Variants in SYNJ1 observed in about 807,000 individuals in gnomAD.
The protein encoded by SYNJ1 is polyphosphatidylinositol phosphatase SYNJ1.
SYNJ1 carries 78 observed loss-of-function variants against 168.2 expected under a neutral mutation model. The ratio of observed to expected loss-of-function variants is 0.46; its 90% confidence interval spans 0.39 to 0.56. The LOEUF is 0.56. SYNJ1 is among the 20% of genes least tolerant of loss of function. SYNJ1 has a pLI of 0.00. For missense variants in SYNJ1, 1,303 were observed against 1,597.6 expected (o/e 0.82, Z 3.14); for synonymous variants, 539 against 548.6 (o/e 0.98, Z 0.24).
intron 18 of SYNJ1, among the ~76,000 whole-genome samples, chr21:32,663,490 G>A (rs1295924040): frequency 6.6e-6 from 1 of 152,180 alleles, no homozygotes; most frequent in Non-Finnish European, 1.5e-5. Flanking sequence ...TGGGCATAGA[G>A]CTTGTGCCAA....
intron 2 of SYNJ1, among the ~76,000 whole-genome samples, chr21:32,706,454 A>G (rs2042612267): frequency 6.6e-6 from 1 of 151,650 alleles, no homozygotes; most frequent in South Asian, 2.1e-4. Context: ...CATGTCAGCA[A>G]CCTATTCTTA....
chr21:32,694,079 A>T (rs1028178490), intron 6 of SYNJ1, 149 bp downstream of exon 6: 2 of 459,828 alleles, frequency 4.3e-6, no homozygotes, highest in Non-Finnish European at 7.5e-6. Context: ...GAAACTCTGT[A>T]CTCGTCTAGA....
intron 31 of SYNJ1, among the ~76,000 whole-genome samples, chr21:32,636,066 T>G (rs1257656227): frequency 6.6e-6 from 1 of 152,082 alleles, no homozygotes; most frequent in Non-Finnish European, 1.5e-5. Flanking sequence ...ACACTCAGAG[T>G]TTTATGTATC....
intron 13 of SYNJ1, among the ~76,000 whole-genome samples, chr21:32,675,171 G>A (rs753959032): frequency 2.6e-4 from 39 of 152,114 alleles, no homozygotes; most frequent in Non-Finnish European, 1.0e-4. Flanking sequence ...CGAACATAGT[G>A]TCTATAATCC....
chr21:32,717,308 C>G (rs1484055027), intron 2 of SYNJ1, among the ~76,000 whole-genome samples: 1 of 152,104 alleles, frequency 6.6e-6, no homozygotes, highest in Non-Finnish European at 1.5e-5. Flanking sequence ...TTTTCCTCTA[C>G]TTGTTGAACA....
At chr21:32,689,968 A>C (rs2041963059) in intron 6 of SYNJ1, among the ~76,000 whole-genome samples, 1 of 152,234 alleles carries the variant, frequency 6.6e-6, no homozygotes, top group African/African-American at 2.4e-5. Flanking sequence ...TTTTCTTTGG[A>C]GTAATCCCAG....
intron 15 of SYNJ1, 65 bp from the exon 16 acceptor site, chr21:32,666,638 A>G (rs1409738965): frequency 2.0e-6 from 3 of 1,498,068 alleles, no homozygotes; most frequent in African/African-American, 2.8e-5. Flanking sequence ...TTTTATGACA[A>G]TTGTCAATTA....
In SYNJ1 at chr21:32,645,667, G is replaced by A; in HGVS notation, c.3370C>T (p.Gln1124Ter). ...VAPPTRPAPP[Q>*]RPPPPSGARS... ...TCACCTGAAGGCGGAGGAGGTCTCTGTGGGGGAGCCGGGCGTGTGGGAGGG... is the reference window on the plus strand; with the variant it reads ...TCACCTGAAGGCGGAGGAGGTCTCTATGGGGGAGCCGGGCGTGTGGGAGGG... The change falls in exon 25 of 33, where the codon CAG becomes TAG. Residue 1124 changes from glutamine to a stop codon, truncating the protein, a stop_gained. Coordinates refer to ENST00000674351, the MANE Select transcript of SYNJ1 (RefSeq NM_203446.3). LOFTEE classifies it high-confidence loss of function. 1 of 1,528,344 alleles carries A rather than the reference G, an allele frequency of 6.5e-7. No individual in the cohort carries two copies. Among genetic ancestry groups the A allele is most frequent in the African/African-American group, 1.4e-5 (1 of 71,780 alleles). The allele number at this position is 1,528,344 out of a possible 1,614,324, so 94.7% of individuals were successfully genotyped here.
chr21:32,638,958 G>A lies in SYNJ1; in HGVS notation c.3865C>T (p.Arg1289Ter), dbSNP rs747261340. ...GGCAAGCTATGGGATGACCTGCTTCGAGGTGGTGGTTGTGGTGGGGTTTCC... is the reference window on the plus strand; with the variant it reads ...GGCAAGCTATGGGATGACCTGCTTCAAGGTGGTGGTTGTGGTGGGGTTTCC... ...NLETPPQPPP[R>*]SRSSHSLPSE... The change falls in exon 31 of 33, where the codon CGA becomes TGA. Residue 1289 changes from arginine to a stop codon, truncating the protein, a stop_gained. Coordinates refer to ENST00000674351, the MANE Select transcript of SYNJ1 (RefSeq NM_203446.3). LOFTEE classifies it high-confidence loss of function. 11 of 1,613,954 alleles carry A rather than the reference G, an allele frequency of 6.8e-6. No homozygotes were observed. The African/African-American group carries it at 9.3e-5, about 14-fold the overall frequency.
rs1170460373 is a variant in SYNJ1, at chr21:32,706,928, T to C, written c.125-4881A>G. On this transcript the variant is annotated intron_variant, in intron 2 of 32. Transcript: ENST00000674351. ...ACATTACATAAAATAATATGTATAA[T>C]CTTTAGATAAAATACAGCACTTGGA... 3.9e-5 allele frequency among the ~76,000 whole-genome samples: 6 copies of C among 152,202 alleles called. No homozygotes were observed. In the East Asian group the frequency reaches 1.2e-3, roughly 29 times the overall value.
chr21:32,691,543 T>C (rs930235684), intron 6 of SYNJ1, among the ~76,000 whole-genome samples: 3 of 152,228 alleles, frequency 2.0e-5, no homozygotes, highest in African/African-American at 7.2e-5. Context: ...TAATATATGA[T>C]CTGAGTATTA....
intron 2 of SYNJ1, among the ~76,000 whole-genome samples, chr21:32,716,333 T>C (rs1652753283): frequency 6.6e-6 from 1 of 152,222 alleles, no homozygotes; most frequent in Admixed American, 6.5e-5. Flanking sequence ...TACTACAATA[T>C]TAAACTGCTA....
intron 15 of SYNJ1, among the ~76,000 whole-genome samples, chr21:32,668,242 A>G (rs908839375): frequency 6.6e-6 from 1 of 151,788 alleles, no homozygotes; most frequent in African/African-American, 2.4e-5. Flanking sequence ...ATTTTTTTGT[A>G]TTTTTAGTAG....
At chr21:32,709,011 C>A (rs941661537) in intron 2 of SYNJ1, among the ~76,000 whole-genome samples, 12 of 152,010 alleles carry the variant, frequency 7.9e-5, no homozygotes, top group African/African-American at 2.4e-4. Context: ...CCAAAACTTG[C>A]CATATAAAGA....
At chr21:32,677,797 T>C (rs17695077) in intron 12 of SYNJ1, among the ~76,000 whole-genome samples, 5,110 of 152,232 alleles carry the variant, frequency 0.034, 110 homozygotes, top group East Asian at 0.075. Context: ...GACCAAGTAA[T>C]TACCCAAGAA....
At chr21:32,641,685 C>T (rs2039843281) in intron 29 of SYNJ1, among the ~76,000 whole-genome samples, 1 of 152,164 alleles carries the variant, frequency 6.6e-6, no homozygotes, top group African/African-American at 2.4e-5. Context: ...AAGTGTATCA[C>T]TTTTATCCAA....
In SYNJ1 at chr21:32,639,007, A is replaced by AGGCATAGGTGCT. The variant is rs762681698; in HGVS notation, c.3804_3815dup (p.Ala1269_Pro1272dup). The AGGCATAGGTGCT allele has an allele frequency of 2.2e-5, 35 of 1,613,896 alleles. No individual in the cohort carries two copies. Among genetic ancestry groups the AGGCATAGGTGCT allele is most frequent in the Non-Finnish European group, 2.6e-5 (31 of 1,179,942 alleles). ...CCAAATTTGGCTGGGGGCCAGACTG[A>AGGCATAGGTGCT]GGCATAGGTGCTGCCACAGGGACAA... On this transcript the variant is annotated inframe_insertion, in exon 31 of 33. Transcript: ENST00000674351.
intron 27 of SYNJ1, among the ~76,000 whole-genome samples, chr21:32,643,095 T>C (rs892228850): frequency 1.3e-5 from 2 of 152,226 alleles, no homozygotes; most frequent in Admixed American, 6.5e-5. Context: ...ATTTTACTTA[T>C]TCTGAAAAGA....
chr21:32,711,538 G>C (rs1153297), intron 2 of SYNJ1, among the ~76,000 whole-genome samples: 1 of 152,022 alleles, frequency 6.6e-6, no homozygotes. Context: ...CACCATGTTG[G>C]CCAGGATGGT....
Sources: allele counts gnomAD v4.1 joint callset (sites outside exome capture counted in the v4.1 genomes callset), GRCh38; gene constraint gnomAD v4.1.1; transcripts MANE v1.5; gene names NCBI Gene and HGNC (gene_info 2026-07-23, HGNC 2026-07-21).